Variants in RYR2 observed in about 807,000 individuals in gnomAD.
RYR2 encodes ryanodine receptor 2.
RYR2 carries 227 observed loss-of-function variants against 601.1 expected under a neutral mutation model. The observed-to-expected ratio is 0.38, with a 90% CI of 0.34 to 0.42. RYR2 has a LOEUF of 0.42. RYR2 is among the 10% of genes least tolerant of loss of function. RYR2 has a pLI of 1.00. For missense variants in RYR2, 4,646 were observed against 6,156.5 expected, an observed-to-expected ratio of 0.75 and a Z score of 8.21; for synonymous variants, 2,223 against 2,175.1, an observed-to-expected ratio of 1.02 and a Z score of -0.61.
chr1:237,719,463 C>T (rs568359442), intron 73 of RYR2, among the ~76,000 whole-genome samples: 3 of 152,072 alleles, frequency 2.0e-5, no homozygotes, highest in South Asian at 4.1e-4. Flanking sequence ...TGGGGAGGTT[C>T]CAGGAAGCTT....
intron 1 of RYR2, among the ~76,000 whole-genome samples, chr1:237,209,158 C>T (rs1408403287): frequency 6.7e-6 from 1 of 150,172 alleles, no homozygotes; most frequent in Non-Finnish European, 1.5e-5. Context: ...TATAAATGTA[C>T]TGTAATTGAA....
At chr1:237,748,417 G>C (rs894727994) in intron 80 of RYR2, among the ~76,000 whole-genome samples, 1 of 151,726 alleles carries the variant, frequency 6.6e-6, no homozygotes, top group African/African-American at 2.4e-5. Context: ...GTTCTTCCAG[G>C]CAACCCCTGG....
chr1:237,631,903 G>A (rs997988688), intron 42 of RYR2, among the ~76,000 whole-genome samples: 6 of 151,694 alleles, frequency 4.0e-5, no homozygotes, highest in Admixed American at 1.3e-4. Flanking sequence ...GAAGTGCTGG[G>A]ATTACAGGCG....
At chr1:237,248,759 ATTTT>A (rs34881922) in intron 1 of RYR2, among the ~76,000 whole-genome samples, 1 of 119,930 alleles carries the variant, frequency 8.3e-6, no homozygotes, top group Admixed American at 8.8e-5. Context: ...ATGAATGTAC[ATTTT>A]TTTTTTTTTT....
At chr1:237,801,725 G>T in intron 97 of RYR2, 131 bp from the exon 98 acceptor site, 1 of 519,504 alleles carries the variant, frequency 1.9e-6, no homozygotes, top group Non-Finnish European at 3.5e-6. Context: ...TTGGCATCTG[G>T]GATAGAACTC....
intron 25 of RYR2, among the ~76,000 whole-genome samples, chr1:237,540,911 G>GTATATATATATATA (rs61555601): frequency 2.7e-5 from 4 of 148,708 alleles, no homozygotes; most frequent in Admixed American, 6.7e-5. Flanking sequence ...ATGTGTGTGT[G>GTATATATATATATA]TATATATATA....
chr1:237,083,989 G>A (rs1666028447), intron 1 of RYR2, among the ~76,000 whole-genome samples: 1 of 152,136 alleles, frequency 6.6e-6, no homozygotes. Context: ...TGGACAGTGT[G>A]GCTCTGAAGA....
intron 1 of RYR2, among the ~76,000 whole-genome samples, chr1:237,191,725 T>G (rs1371377516): frequency 6.6e-6 from 1 of 152,232 alleles, no homozygotes; most frequent in Admixed American, 6.5e-5. Flanking sequence ...TTTAATGATC[T>G]AAACAGTGAT....
intron 1 of RYR2, among the ~76,000 whole-genome samples, chr1:237,050,018 T>G (rs1019532601): frequency 6.6e-6 from 1 of 152,144 alleles, no homozygotes; most frequent in Admixed American, 6.5e-5. Context: ...ATTGCAAAAG[T>G]TCTGTAGTGG....
At chr1:237,672,066 A>G (rs1684997880) in intron 58 of RYR2, among the ~76,000 whole-genome samples, 1 of 152,166 alleles carries the variant, frequency 6.6e-6, no homozygotes, top group Admixed American at 6.5e-5. Context: ...CACCCATATC[A>G]TAAATGGGAA....
rs60986637 is a variant in RYR2, at chr1:237,180,629, T to TATAA, written c.49-89868_49-89867insATAA. Among the ~76,000 whole-genome samples the TATAA allele has an allele frequency of 8.4e-6, 1 of 119,520 alleles. No individual in the cohort carries two copies. Among genetic ancestry groups the TATAA allele is most frequent in the Non-Finnish European group, 1.8e-5 (1 of 56,490 alleles). The allele number at this position is 119,520 out of a possible 152,430, so 78.4% of individuals were successfully genotyped here. On this transcript the variant is annotated intron_variant, in intron 1 of 104. Coordinates refer to ENST00000366574, the MANE Select transcript of RYR2 (RefSeq NM_001035.3). This position sits in a 1 kb window ranked among gnomAD's most constrained non-coding sequence, Gnocchi z 5.3. ...ATATGTATATATGTATATATGTATATGTGTATATATGTATATGTATATGTG... is the reference window on the plus strand; with the variant it reads ...ATATGTATATATGTATATATGTATATATAAGTGTATATATGTATATGTATATGTG...
At chr1:237,443,603 AAT>A (rs1339688767) in intron 13 of RYR2, among the ~76,000 whole-genome samples, 4 of 152,222 alleles carry the variant, frequency 2.6e-5, no homozygotes, top group African/African-American at 4.8e-5. Context: ...TTAATTAATT[AAT>A]ATGTTATTCA....
chr1:237,165,144 G>T (rs1676547327), intron 1 of RYR2, among the ~76,000 whole-genome samples: 1 of 151,660 alleles, frequency 6.6e-6, no homozygotes, highest in Non-Finnish European at 1.5e-5. Flanking sequence ...TTTTTGTAGA[G>T]ATGGGGTCTC....
At chr1:237,133,390 T>C (rs1315880060) in intron 1 of RYR2, among the ~76,000 whole-genome samples, 3 of 152,130 alleles carry the variant, frequency 2.0e-5, no homozygotes, top group African/African-American at 7.2e-5. Context: ...TTACTTGATA[T>C]GAATAAGAGG....
chr1:237,362,006 C>G (rs1439925002), intron 4 of RYR2, among the ~76,000 whole-genome samples: 1 of 152,088 alleles, frequency 6.6e-6, no homozygotes. Context: ...TTTTTGTCAT[C>G]CATTTGACAC....
At chr1:237,623,383 CTTTT>C (rs1164153613) in intron 38 of RYR2, among the ~76,000 whole-genome samples, 9 of 108,850 alleles carry the variant, frequency 8.3e-5, no homozygotes, top group African/African-American at 2.7e-4. Flanking sequence ...TTCTTTCTTT[CTTTT>C]TTTTTTTTTT....
intron 24 of RYR2, among the ~76,000 whole-genome samples, chr1:237,517,181 TTC>T (rs760116884): frequency 5.3e-4 from 80 of 152,260 alleles, no homozygotes; most frequent in South Asian, 2.9e-3. Flanking sequence ...TGCCTCACTA[TTC>T]TGTTCCCTTT....
rs1687880855 is a variant in RYR2 at position 237,700,570 on chromosome 1, T to C, written c.9367+103T>C. 7 of 642,188 alleles carry C rather than the reference T, an allele frequency of 1.1e-5. No individual in the cohort carries two copies. The Admixed American group carries it at 2.0e-4, about 19-fold the overall frequency. The allele number at this position is 642,188 out of a possible 1,614,324, so 39.8% of individuals were successfully genotyped here. On this transcript the variant is annotated intron_variant, in intron 65 of 104. Transcript: ENST00000366574. ...ACATCTGGGTTACTAAAACACTGTTTACATGTTAAAATGCCTTTTTTATTG... is the reference window on the plus strand; with the variant it reads ...ACATCTGGGTTACTAAAACACTGTTCACATGTTAAAATGCCTTTTTTATTG...
At chr1:237,668,094 T>C (rs761358642) in intron 58 of RYR2, 136 bp downstream of exon 58, 3 of 623,816 alleles carry the variant, frequency 4.8e-6, no homozygotes, top group East Asian at 3.2e-5. Context: ...CTGTAACAGA[T>C]TGAAGTTGGA....
Sources: allele counts gnomAD v4.1 joint callset (sites outside exome capture counted in the v4.1 genomes callset), GRCh38; gene constraint gnomAD v4.1.1; non-coding constraint Gnocchi (gnomAD v3.1); transcripts MANE v1.5; gene names NCBI Gene and HGNC (gene_info 2026-07-23, HGNC 2026-07-21).